The following SHISA5 variants were observed in gnomAD, a reference collection of about 807,000 sequenced individuals.
The protein encoded by SHISA5 is protein shisa-5.
In SHISA5, 21 loss-of-function variants were observed where a neutral mutation model predicts 27.5. That is an observed-to-expected ratio of 0.76 (90% CI 0.54 to 1.10). The LOEUF (loss-of-function observed/expected upper bound fraction) is 1.10, where lower values mean the gene tolerates loss of function less well. SHISA5 is among the 50% of genes least tolerant of loss of function. The pLI, the probability that SHISA5 is intolerant of heterozygous loss-of-function variation, is 0.00. For missense variants in SHISA5, 314 were observed against 336.3 expected (o/e 0.93, Z 0.52); for synonymous variants, 137 against 142.2 (o/e 0.96, Z 0.26).
intron 2 of SHISA5, among the ~76,000 whole-genome samples, chr3:48,486,845 G>A (rs907609973): frequency 4.7e-5 from 7 of 150,170 alleles, no homozygotes; most frequent in African/African-American, 1.2e-4. Flanking sequence ...ACTTGAACCC[G>A]GGAGGTGGAG....
chr3:48,503,709 A>C, intron 1 of SHISA5: 2 of 1,180,044 alleles, frequency 1.7e-6, no homozygotes, highest in Non-Finnish European at 2.1e-6. Context: ...AAAGCCAGGC[A>C]GGGAACCCTA....
chr3:48,490,818 A>G (rs1367493778), intron 2 of SHISA5, among the ~76,000 whole-genome samples: 2 of 152,196 alleles, frequency 1.3e-5, no homozygotes, highest in African/African-American at 4.8e-5. Context: ...CTCTATTAAC[A>G]TAGCTAGATC....
chr3:48,482,295 C>T (rs1335968488), intron 2 of SHISA5, among the ~76,000 whole-genome samples: 1 of 151,958 alleles, frequency 6.6e-6, no homozygotes, highest in Non-Finnish European at 1.5e-5. Flanking sequence ...GTCCCAGCTA[C>T]TCAGGAGGCT....
chr3:48,498,666 G>A (rs1418944056), intron 2 of SHISA5, among the ~76,000 whole-genome samples: 1 of 142,634 alleles, frequency 7.0e-6, no homozygotes, highest in Non-Finnish European at 1.5e-5. Flanking sequence ...TCCAGCCTGG[G>A]AGACACAGAC....
chr3:48,474,402 C>T (rs2040750036), intron 3 of SHISA5, among the ~76,000 whole-genome samples: 1 of 151,348 alleles, frequency 6.6e-6, no homozygotes, highest in African/African-American at 2.4e-5. Context: ...ATGGTGCAAT[C>T]TCAGCCCACT....
intron 1 of SHISA5, among the ~76,000 whole-genome samples, chr3:48,501,723 G>C (rs1476628187): frequency 6.6e-6 from 1 of 152,036 alleles, no homozygotes; most frequent in African/African-American, 2.4e-5. Flanking sequence ...TTCTTGCCTG[G>C]TTCCTATCTC....
chr3:48,483,765 G>C (rs1483030687), intron 2 of SHISA5, among the ~76,000 whole-genome samples: 2 of 149,780 alleles, frequency 1.3e-5, no homozygotes, highest in African/African-American at 2.4e-5. Flanking sequence ...CCGGGCGGGG[G>C]GCTGACCCCA....
rs747828954 is a variant in SHISA5 at position 48,469,356 on chromosome 3, C to T, written c.643+5G>A. 1 of 1,579,300 alleles carries T rather than the reference C, an allele frequency of 6.3e-7. No individual in the cohort carries two copies. Among genetic ancestry groups the T allele is most frequent in the Non-Finnish European group, 8.6e-7 (1 of 1,160,482 alleles). On this transcript the variant is annotated splice_donor_5th_base_variant and intron_variant, in intron 5 of 5. Coordinates refer to ENST00000296444, the MANE Select transcript of SHISA5 (RefSeq NM_016479.6). The surrounding 1 kb of genome is among the most constrained non-coding windows in gnomAD (Gnocchi z 4.6). ...GGCAGGGCTAGAGTTGGCAGGGGCA[C>T]TCACCAGCCAGGGTCTCGTGGTAGG...
intron 2 of SHISA5, among the ~76,000 whole-genome samples, chr3:48,498,606 G>C (rs1309888896): frequency 1.3e-5 from 2 of 148,352 alleles, no homozygotes; most frequent in African/African-American, 2.5e-5. Flanking sequence ...ATAATTGCTT[G>C]AACCTGGCAG....
At position 48,469,785 on chromosome 3, in the gene SHISA5, T is replaced by A; in HGVS notation, c.373A>T (p.Ile125Phe). The A allele has an allele frequency of 6.2e-7, 1 of 1,614,054 alleles. No homozygotes were observed. The highest frequency in any genetic ancestry group is 8.5e-7 in the Non-Finnish European group (1 of 1,179,986). The part of the protein sequence containing the change: ...TIFVLSVVTI[I>F]ICFTCSCCCL... ...CAGCAGGAGCAGGTGAAGCAGATGATGATAGTGACGACAGACAGCACAAAG... is the reference window on the plus strand; with the variant it reads ...CAGCAGGAGCAGGTGAAGCAGATGAAGATAGTGACGACAGACAGCACAAAG... The change falls in exon 4 of 6, where the codon ATC becomes TTC. Residue 125 changes from isoleucine to phenylalanine, a missense_variant. Transcript: ENST00000296444. The surrounding 1 kb of genome is among the most constrained non-coding windows in gnomAD (Gnocchi z 4.6).
chr3:48,473,980 G>C lies in SHISA5; in HGVS notation c.315-4137C>G, dbSNP rs190420751. Among the ~76,000 whole-genome samples the C allele has an allele frequency of 6.8e-6, 1 of 147,594 alleles. No homozygotes were observed. Among genetic ancestry groups the C allele is most frequent in the African/African-American group, 2.5e-5 (1 of 39,526 alleles). On this transcript the variant is annotated intron_variant, in intron 3 of 5. Coordinates refer to ENST00000296444, the MANE Select transcript of SHISA5 (RefSeq NM_016479.6). This position sits in a 1 kb window ranked among gnomAD's most constrained non-coding sequence, Gnocchi z 4.3. ...ACTCAGGAGGCTTTCTCCAGCCTGGGAGACTGAGTGAGAATCTGTCTCAAA... is the reference window on the plus strand; with the variant it reads ...ACTCAGGAGGCTTTCTCCAGCCTGGCAGACTGAGTGAGAATCTGTCTCAAA...
intron 2 of SHISA5, among the ~76,000 whole-genome samples, chr3:48,484,070 T>C (rs986976504): frequency 6.6e-6 from 1 of 152,114 alleles, no homozygotes; most frequent in Admixed American, 6.6e-5. Flanking sequence ...TGCTTTAAAA[T>C]AATTCAGAAA....
intron 2 of SHISA5, among the ~76,000 whole-genome samples, chr3:48,481,897 C>G (rs2041032289): frequency 6.6e-6 from 1 of 151,580 alleles, no homozygotes; most frequent in South Asian, 2.1e-4. Flanking sequence ...GAAACCCTGT[C>G]TCTACTAAAA....
At position 48,472,097 on chromosome 3, in the gene SHISA5, C is replaced by T. The variant is rs531499372; in HGVS notation, c.315-2254G>A. On this transcript the variant is annotated intron_variant, in intron 3 of 5. Transcript: ENST00000296444. The stretch of plus-strand genomic sequence containing the variant: ...ACTCAGGAGGCTGAGGCAGGAGAAT[C>T]GCTTGAACCAAGGAGGGAGGTTGCA... Among the ~76,000 whole-genome samples, 5 of 152,070 alleles carry T rather than the reference C, an allele frequency of 3.3e-5. No homozygotes were observed. In the East Asian group the frequency reaches 5.8e-4, roughly 18 times the overall value.
intron 3 of SHISA5, among the ~76,000 whole-genome samples, chr3:48,475,351 C>T (rs1300897943): frequency 2.6e-5 from 4 of 152,074 alleles, no homozygotes; most frequent in East Asian, 1.9e-4. Flanking sequence ...AAGGCAGAGT[C>T]GGCCCAAGCA....
intron 2 of SHISA5, among the ~76,000 whole-genome samples, chr3:48,490,888 T>A (rs1165306912): frequency 6.6e-6 from 1 of 152,162 alleles, no homozygotes; most frequent in Non-Finnish European, 1.5e-5. Flanking sequence ...TAGGAAACAT[T>A]TGTCATCTAT....
In SHISA5 at chr3:48,501,194, G is replaced by T. The variant is rs774049484; in HGVS notation, c.176C>A (p.Ser59Tyr). 1 of 1,614,132 alleles carries T rather than the reference G, an allele frequency of 6.2e-7. No individual in the cohort carries two copies. Among genetic ancestry groups the T allele is most frequent in the South Asian group, 1.1e-5 (1 of 91,078 alleles). Reference protein sequence around the residue: ...CGTCDDQYCCSDVLKKFVWSE... With the variant: ...CGTCDDQYCCYDVLKKFVWSE... ...CCACACAAATTTCTTCAGCACGTCA[G>T]AGCAGCAGTATTGGTCATCACAGGT... The change falls in exon 2 of 6, where the codon TCT (serine) becomes TAT (tyrosine). Residue 59 changes from serine to tyrosine, a missense_variant. Transcript: ENST00000296444.
At chr3:48,496,958 G>A (rs1481576570) in intron 2 of SHISA5, among the ~76,000 whole-genome samples, 1 of 151,918 alleles carries the variant, frequency 6.6e-6, no homozygotes, top group Non-Finnish European at 1.5e-5. Context: ...GGCCAGGTGT[G>A]GTGGCTCACA....
At chr3:48,479,013 C>T (rs1035135360) in intron 3 of SHISA5, among the ~76,000 whole-genome samples, 164 bp downstream of exon 3, 2 of 152,180 alleles carry the variant, frequency 1.3e-5, no homozygotes, top group African/African-American at 2.4e-5. Context: ...AAGACACCTT[C>T]ACAGCATAAG....
Sources: gnomAD v4.1 joint callset for allele counts (sites outside exome capture counted in the v4.1 genomes callset) on GRCh38, gnomAD v4.1.1 for gene constraint, Gnocchi (gnomAD v3.1) non-coding constraint, MANE v1.5 for transcripts, NCBI Gene and HGNC (gene_info 2026-07-23, HGNC 2026-07-21) for gene names.